MICU3: variants seen among roughly 807,000 people sequenced by gnomAD.
MICU3 encodes calcium uptake protein 3, mitochondrial.
A neutral mutation model predicts 66.5 loss-of-function variants in MICU3; 62 were observed. The ratio of observed to expected loss-of-function variants is 0.93; its 90% CI spans 0.76 to 1.15. The LOEUF is 1.15. MICU3 is among the 50% of genes most tolerant of loss of function. The probability of loss-of-function intolerance (pLI) is 0.00; values close to 1 mark genes in which losing one functional copy is unlikely to be tolerated. For missense variants in MICU3, 779 were observed against 664.4 expected, an observed-to-expected ratio of 1.17 and a Z score of -1.90; for synonymous variants, 308 against 240.7, an observed-to-expected ratio of 1.28 and a Z score of -2.59.
chr8:17,050,437 A>G (rs1326746990), intron 1 of MICU3, among the ~76,000 whole-genome samples: 3 of 152,048 alleles, frequency 2.0e-5, no homozygotes, highest in Non-Finnish European at 2.9e-5. Flanking sequence ...AAACTGATAT[A>G]ATTTCCATTT....
In MICU3 at chr8:17,027,296, G is replaced by A. The variant is rs745401676; in HGVS notation, c.17G>A (p.Arg6Lys). The change falls in exon 1 of 15, where the codon AGG becomes AAG. Residue 6 changes from arginine (R) to lysine (K), a missense_variant. Physicochemically the swap from Arg to Lys is conservative, Grantham distance 26. Coordinates refer to ENST00000318063, the MANE Select transcript of MICU3 (RefSeq NM_181723.3). ...GCCTCCGCTATGGCTGCGCTGCGAA[G>A]GCTCTTGTGGCCGCCACCCCGGGTG... The part of the protein sequence containing the change: MAALR[R>K]LLWPPPRVSP... 3.3e-6 allele frequency: 5 copies of A among 1,519,106 alleles called. No individual in the cohort carries two copies. The South Asian group carries it at 3.7e-5, about 11-fold the overall frequency. The allele number at this position is 1,519,106 out of a possible 1,614,324, so 94.1% of individuals were successfully genotyped here.
chr8:17,112,647 G>A (rs1208743985), intron 11 of MICU3, among the ~76,000 whole-genome samples: 1 of 152,202 alleles, frequency 6.6e-6, no homozygotes, highest in African/African-American at 2.4e-5. Flanking sequence ...TGAAAGTTCA[G>A]ATGTTGAACA....
rs370689240 is a variant in MICU3 at position 17,074,148 on chromosome 8, A to T, written c.568-3635A>T. The stretch of plus-strand genomic sequence containing the variant: ...TGATCCGCCCGCCTCGGCCTCCCAA[A>T]GTGCTGGGATTACAGGTGTGAGCTG... On this transcript the variant is annotated intron_variant, in intron 3 of 14. Transcript: ENST00000318063. Among the ~76,000 whole-genome samples the T allele has an allele frequency of 5.3e-5, 8 of 151,736 alleles. No individual in the cohort carries two copies. In the South Asian group the frequency reaches 6.3e-4, roughly 12 times the overall value.
At chr8:17,099,433 T>C (rs1181735005) in intron 9 of MICU3, among the ~76,000 whole-genome samples, 7 of 151,842 alleles carry the variant, frequency 4.6e-5, no homozygotes, top group Non-Finnish European at 8.8e-5. Context: ...CAGTTGTGAC[T>C]TCTGTTATCC....
chr8:17,047,267 G>C (rs1003992606), intron 1 of MICU3, among the ~76,000 whole-genome samples: 1 of 152,184 alleles, frequency 6.6e-6, no homozygotes, highest in Admixed American at 6.5e-5. Flanking sequence ...AAGAACTGTA[G>C]CAGCAGTTAA....
At chr8:17,032,389 G>C (rs1025362000) in intron 1 of MICU3, among the ~76,000 whole-genome samples, 2 of 151,256 alleles carry the variant, frequency 1.3e-5, no homozygotes, top group Non-Finnish European at 2.9e-5. Flanking sequence ...TTCATGCCCA[G>C]AATAAAAAAA....
intron 3 of MICU3, among the ~76,000 whole-genome samples, chr8:17,072,913 G>T (rs1453817148): frequency 6.6e-6 from 1 of 152,094 alleles, no homozygotes; most frequent in African/African-American, 2.4e-5. Flanking sequence ...TTGAGATAGA[G>T]TCTCTCCCTG....
chr8:17,043,503 C>T (rs1373717500), intron 1 of MICU3, among the ~76,000 whole-genome samples: 2 of 152,110 alleles, frequency 1.3e-5, no homozygotes. Context: ...GTCATAAGGA[C>T]AGTGATAGGC....
intron 1 of MICU3, among the ~76,000 whole-genome samples, chr8:17,037,005 C>T (rs941091944): frequency 2.0e-5 from 3 of 152,224 alleles, no homozygotes; most frequent in African/African-American, 7.2e-5. Context: ...AGCGCAGCGC[C>T]CGTGGGCTGG....
chr8:17,105,613 T>C (rs1164305493), intron 11 of MICU3, 29 bp downstream of exon 11: 7 of 1,403,770 alleles, frequency 5.0e-6, no homozygotes, highest in Non-Finnish European at 6.7e-6. Flanking sequence ...TAGTTGGTTA[T>C]GTTACTGTTT....
At chr8:17,116,260 C>T (rs1802670157) in intron 12 of MICU3, among the ~76,000 whole-genome samples, 183 bp from the exon 13 acceptor site, 1 of 152,178 alleles carries the variant, frequency 6.6e-6, no homozygotes, top group Non-Finnish European at 1.5e-5. Flanking sequence ...TGTTGCTTGG[C>T]TCTTTTCATT....
intron 1 of MICU3, among the ~76,000 whole-genome samples, chr8:17,053,097 G>A (rs536745738): frequency 6.6e-6 from 1 of 152,166 alleles, no homozygotes; most frequent in Non-Finnish European, 1.5e-5. Flanking sequence ...ATAAGGATGA[G>A]TAATCTAAAT....
intron 11 of MICU3, among the ~76,000 whole-genome samples, chr8:17,110,773 TG>T (rs550263886): frequency 2.4e-3 from 361 of 151,936 alleles, no homozygotes; most frequent in Non-Finnish European, 3.5e-3. Flanking sequence ...TTTTTTTGTT[TG>T]TTTTTTTGCC....
At chr8:17,046,105 A>G (rs1815033912) in intron 1 of MICU3, among the ~76,000 whole-genome samples, 1 of 152,254 alleles carries the variant, frequency 6.6e-6, no homozygotes, top group Non-Finnish European at 1.5e-5. Context: ...GTAGCAAATT[A>G]TTTGAATCCA....
At chr8:17,118,527 CT>C (rs1802909011) in intron 13 of MICU3, among the ~76,000 whole-genome samples, 179 bp from the exon 14 acceptor site, 1 of 152,136 alleles carries the variant, frequency 6.6e-6, no homozygotes, top group East Asian at 1.9e-4. Flanking sequence ...CTAATTGGAA[CT>C]TTGTATCCTT....
intron 1 of MICU3, among the ~76,000 whole-genome samples, chr8:17,063,418 A>G (rs1186723258): frequency 6.6e-6 from 1 of 152,066 alleles, no homozygotes; most frequent in Non-Finnish European, 1.5e-5. Flanking sequence ...TTCTCTTGTA[A>G]TCAGGAAAAT....
the MICU3 span, among the ~76,000 whole-genome samples, chr8:17,133,610 A>G: frequency 6.6e-6 from 1 of 151,994 alleles, no homozygotes; most frequent in African/African-American, 2.4e-5. Context: ...ATAAACTGTC[A>G]TATATTTTAT....
chr8:17,093,025 T>G (rs557703941), intron 8 of MICU3, among the ~76,000 whole-genome samples: 2 of 152,166 alleles, frequency 1.3e-5, no homozygotes, highest in African/African-American at 4.8e-5. Context: ...GTTCCAAAAT[T>G]TAATCACTTT....
Position 17,122,602 on chromosome 8 carries a change from C to T in MICU3, c.*2315C>T, listed in dbSNP as rs1045077056. ...CAAAGCAACCTGTCTTACATTCTTA[C>T]ATTATCTTAAAATAAATATTTCTGC... On this transcript the variant is annotated 3_prime_UTR_variant, in exon 15 of 15. Transcript: ENST00000318063. 3 of 151,946 alleles carry T rather than the reference C, an allele frequency of 2.0e-5. No homozygotes were observed. Among genetic ancestry groups the T allele is most frequent in the African/African-American group, 7.2e-5 (3 of 41,440 alleles). The allele number at this position is 151,946 out of a possible 1,614,324, so 9.4% of individuals were successfully genotyped here.
Sources: gnomAD v4.1 joint callset for allele counts (sites outside exome capture counted in the v4.1 genomes callset) on GRCh38, gnomAD v4.1.1 for gene constraint, MANE v1.5 for transcripts, NCBI Gene and HGNC (gene_info 2026-07-23, HGNC 2026-07-21) for gene names.